LTBP1: variants seen among roughly 807,000 people sequenced by gnomAD.
The protein encoded by LTBP1 is latent transforming growth factor beta binding protein 1, also known as latent-transforming growth factor beta-binding protein 1.
Under a neutral mutation model 207.6 loss-of-function variants are expected in LTBP1, and 129 were observed. The observed-to-expected ratio is 0.62, with a 90% CI of 0.54 to 0.72. The LOEUF (loss-of-function observed/expected upper bound fraction) is 0.72. Among genes scored for constraint, LTBP1 ranks in the 30% least tolerant of loss-of-function variants. The probability of loss-of-function intolerance (pLI) is 0.00; values close to 1 mark genes in which losing one functional copy is unlikely to be tolerated. For missense variants in LTBP1, 2,281 were observed against 2,217.2 expected, an observed-to-expected ratio of 1.03 and a Z score of -0.58; for synonymous variants, 963 against 833.7, an observed-to-expected ratio of 1.16 and a Z score of -2.67.
At chr2:33,106,464 T>G (rs1410860647) in intron 3 of LTBP1, among the ~76,000 whole-genome samples, 2 of 152,194 alleles carry the variant, frequency 1.3e-5, no homozygotes, top group Admixed American at 6.5e-5. Flanking sequence ...GACTTGAAAG[T>G]CAAAATCACT....
chr2:33,029,805 G>T lies in LTBP1; in HGVS notation c.863+8599G>T, dbSNP rs1370328922. On this transcript the variant is annotated intron_variant, in intron 3 of 33. Transcript: ENST00000404816. ...AAATTCAAATAAAAGGCATAAAGAA[G>T]TGAAAAATTGTAGTTATTTTATGAA... Among the ~76,000 whole-genome samples, 5 of 152,298 alleles carry T rather than the reference G, an allele frequency of 3.3e-5. No homozygotes were observed. The East Asian group carries it at 9.6e-4, about 29-fold the overall frequency.
At chr2:33,086,566 A>G (rs1017738535) in intron 3 of LTBP1, among the ~76,000 whole-genome samples, 1 of 152,168 alleles carries the variant, frequency 6.6e-6, no homozygotes, top group African/African-American at 2.4e-5. Context: ...AGTCCTTGAT[A>G]CTAGTGTGTC....
At chr2:33,383,160 C>T (rs1017768594) in intron 31 of LTBP1, among the ~76,000 whole-genome samples, 2 of 152,216 alleles carry the variant, frequency 1.3e-5, no homozygotes, top group Non-Finnish European at 2.9e-5. Flanking sequence ...TCAAGACCAG[C>T]CTGGCCAACA....
At chr2:33,270,406 G>C (rs975758782) in intron 15 of LTBP1, among the ~76,000 whole-genome samples, 2 of 151,704 alleles carry the variant, frequency 1.3e-5, no homozygotes, top group Admixed American at 6.6e-5. Flanking sequence ...TGGTTAACAC[G>C]ATGAAACCCC....
intron 5 of LTBP1, among the ~76,000 whole-genome samples, chr2:33,173,619 A>G (rs13390049): frequency 0.07 from 8,240 of 117,320 alleles, 712 homozygotes; most frequent in African/African-American, 0.21. Context: ...TATTCCAATC[A>G]ATGGAAAAAG....
chr2:33,308,932 A>G (rs1354058636), intron 22 of LTBP1, among the ~76,000 whole-genome samples: 1 of 152,138 alleles, frequency 6.6e-6, no homozygotes, highest in Non-Finnish European at 1.5e-5. Flanking sequence ...GTAAATTATT[A>G]TTTGCTACAG....
chr2:33,201,286 A>G (rs988763374), intron 7 of LTBP1, among the ~76,000 whole-genome samples: 6 of 152,228 alleles, frequency 3.9e-5, no homozygotes, highest in East Asian at 1.9e-4. Flanking sequence ...ACCATGGAAT[A>G]CTATGCAGCC....
At chr2:33,350,177 C>T (rs1328011288) in intron 26 of LTBP1, among the ~76,000 whole-genome samples, 2 of 152,124 alleles carry the variant, frequency 1.3e-5, no homozygotes, top group Admixed American at 6.5e-5. Flanking sequence ...AGAGCTCATC[C>T]GTCCTGAAAA....
chr2:33,221,711 G>A (rs967650508), intron 8 of LTBP1, among the ~76,000 whole-genome samples: 3 of 152,142 alleles, frequency 2.0e-5, no homozygotes, highest in Non-Finnish European at 4.4e-5. Flanking sequence ...GTTCCAGGAC[G>A]TGTAGTAACC....
chr2:32,963,956 G>A (rs917548755), intron 2 of LTBP1, among the ~76,000 whole-genome samples: 2 of 152,148 alleles, frequency 1.3e-5, no homozygotes, highest in African/African-American at 4.8e-5. Context: ...AAGTAACGAA[G>A]GAGCAACATT....
chr2:33,358,273 T>C (rs1260664752), intron 26 of LTBP1, among the ~76,000 whole-genome samples: 2 of 152,028 alleles, frequency 1.3e-5, no homozygotes, highest in Non-Finnish European at 2.9e-5. Context: ...TTATTTCCCT[T>C]ATGGGAAATA....
In LTBP1 at chr2:32,946,980, C is replaced by G. The variant is rs1676271305; in HGVS notation, c.-345C>G. The stretch of plus-strand genomic sequence containing the variant: ...AGTGTCCCGCGCGCTCTCGCTCGCT[C>G]TCGGCCACCCTCGCCGGGCCCCGCT... On this transcript the variant is annotated 5_prime_UTR_variant, in exon 1 of 34. Coordinates refer to ENST00000404816, the MANE Select transcript of LTBP1 (RefSeq NM_206943.4). 5.2e-6 allele frequency: 1 copy of G among 192,334 alleles called. No individual in the cohort carries two copies. Among genetic ancestry groups the G allele is most frequent in the South Asian group, 1.9e-4 (1 of 5,202 alleles). 11.9% of individuals were successfully genotyped at this position (192,334 alleles called of 1,614,324 possible).
intron 28 of LTBP1, among the ~76,000 whole-genome samples, chr2:33,362,671 C>T (rs1162574444): frequency 1.3e-5 from 2 of 152,158 alleles, no homozygotes; most frequent in Non-Finnish European, 2.9e-5. Context: ...ATGGAGTCTT[C>T]AGGTTGTAAA....
intron 9 of LTBP1, among the ~76,000 whole-genome samples, chr2:33,227,149 C>T (rs1246187241): frequency 6.6e-6 from 1 of 152,038 alleles, no homozygotes; most frequent in African/African-American, 2.4e-5. Flanking sequence ...GATTCTCCTG[C>T]TTCAGCCTCC....
intron 5 of LTBP1, among the ~76,000 whole-genome samples, chr2:33,143,786 TG>T (rs1396744726): frequency 5.4e-4 from 73 of 134,254 alleles, no homozygotes; most frequent in African/African-American, 1.8e-3. Context: ...TGTTTTTTGT[TG>T]TTTTTTTTTT....
At chr2:32,989,726 C>T (rs10168533) in intron 2 of LTBP1, among the ~76,000 whole-genome samples, 4,826 of 152,248 alleles carry the variant, frequency 0.032, 256 homozygotes, top group African/African-American at 0.11. Flanking sequence ...TGTGTGCTTA[C>T]CTTTGAAAGA....
intron 24 of LTBP1, among the ~76,000 whole-genome samples, chr2:33,331,191 G>C (rs1433874832): frequency 6.6e-6 from 1 of 150,808 alleles, no homozygotes; most frequent in Non-Finnish European, 1.5e-5. Context: ...ATGTGGATTT[G>C]TTTCCTTTGT....
intron 10 of LTBP1, among the ~76,000 whole-genome samples, chr2:33,245,870 T>C (rs902480753): frequency 2.6e-5 from 4 of 152,214 alleles, no homozygotes; most frequent in Non-Finnish European, 5.9e-5. Flanking sequence ...GCTGATTAGG[T>C]AAACTTGCAG....
intron 2 of LTBP1, among the ~76,000 whole-genome samples, chr2:32,968,843 C>T (rs1462322192): frequency 1.3e-5 from 2 of 151,444 alleles, no homozygotes; most frequent in Non-Finnish European, 2.9e-5. Context: ...CCCAACTCAG[C>T]CTCCCAAGTA....
Sources: allele counts gnomAD v4.1 joint callset (sites outside exome capture counted in the v4.1 genomes callset), GRCh38; gene constraint gnomAD v4.1.1; transcripts MANE v1.5; gene names NCBI Gene and HGNC (gene_info 2026-07-23, HGNC 2026-07-21).